Variants in LAMB1 observed in about 807,000 individuals in gnomAD.
LAMB1 encodes the protein laminin subunit beta-1.
LAMB1 carries 121 observed loss-of-function variants against 222.3 expected under a neutral mutation model. That is an observed-to-expected ratio of 0.54 (90% CI 0.47 to 0.63). The LOEUF is 0.63. Ranked by LOEUF, LAMB1 falls within the 30% of genes least tolerant of loss-of-function variation. LAMB1 has a pLI of 0.00. For synonymous variants in LAMB1, 794 were observed against 807.2 expected, an observed-to-expected ratio of 0.98 and a Z score of 0.28; for missense variants, 2,172 against 2,240.8, an observed-to-expected ratio of 0.97 and a Z score of 0.62.
At position 108,001,634 on chromosome 7, in the gene LAMB1, C is replaced by T. The variant is rs757389765; in HGVS notation, c.137G>A (p.Arg46Gln). The T allele has an allele frequency of 2.5e-6, 4 of 1,613,072 alleles. No homozygotes were observed. Among genetic ancestry groups the T allele is most frequent in the African/African-American group, 1.3e-5 (1 of 74,926 alleles). The change falls in exon 3 of 34, where the codon CGA (arginine) becomes CAA (glutamine). Residue 46 changes from arginine to glutamine, a missense_variant. Arg to Gln is a conservative substitution (Grantham distance 43). Coordinates refer to ENST00000222399, the MANE Select transcript of LAMB1 (RefSeq NM_002291.3). ...YPATGDLLIGRAQKLSVTSTC... is the reference protein window; with the variant it reads ...YPATGDLLIGQAQKLSVTSTC... ...CGAGGTCACCGAAAGCTTCTGTGCT[C>T]GGCCGATGAGAAGGTCGCCCGTGGC... is the stretch of plus-strand genomic sequence containing the variant.
At chr7:107,992,304 C>T (rs1282193951) in intron 5 of LAMB1, among the ~76,000 whole-genome samples, 1 of 152,218 alleles carries the variant, frequency 6.6e-6, no homozygotes, top group Non-Finnish European at 1.5e-5. Context: ...GTCTGAACTT[C>T]TGTTGTAGTC....
At chr7:107,965,503 C>T (rs542032514) in intron 13 of LAMB1, among the ~76,000 whole-genome samples, 7 of 152,234 alleles carry the variant, frequency 4.6e-5, no homozygotes, top group South Asian at 4.1e-4. Context: ...CGCTTGAACC[C>T]GGGAGGCAGA....
intron 20 of LAMB1, among the ~76,000 whole-genome samples, chr7:107,957,543 C>T (rs551067714): frequency 4.6e-5 from 7 of 152,244 alleles, no homozygotes; most frequent in East Asian, 3.9e-4. Context: ...AGCAAAACTC[C>T]GTCTCAAAAA....
At chr7:107,933,594 G>A (rs2032763248) in intron 27 of LAMB1, among the ~76,000 whole-genome samples, 1 of 149,008 alleles carries the variant, frequency 6.7e-6, no homozygotes, top group Non-Finnish European at 1.5e-5. Flanking sequence ...AACAGATGGG[G>A]CAGACATGGA....
At chr7:107,936,661 A>T (rs530478736) in intron 26 of LAMB1, among the ~76,000 whole-genome samples, 5 of 152,274 alleles carry the variant, frequency 3.3e-5, no homozygotes, top group Admixed American at 2.6e-4. Context: ...TTTGCTGAGG[A>T]TCCTTTACAG....
intron 7 of LAMB1, among the ~76,000 whole-genome samples, chr7:107,985,213 T>A (rs2034050532): frequency 6.6e-6 from 1 of 152,232 alleles, no homozygotes; most frequent in Non-Finnish European, 1.5e-5. Context: ...TTATTGCTAA[T>A]TTCAAGACCC....
chr7:107,975,209 C>T, intron 11 of LAMB1, 25 bp downstream of exon 11: 1 of 1,599,470 alleles, frequency 6.3e-7, no homozygotes. Context: ...AGAAAACTCC[C>T]AAACTTTTTA....
At chr7:107,943,697 G>A (rs977969995) in intron 24 of LAMB1, among the ~76,000 whole-genome samples, 5 of 152,070 alleles carry the variant, frequency 3.3e-5, no homozygotes, top group East Asian at 1.9e-4. Flanking sequence ...TTTCTATCAC[G>A]TTCCCAGGAG....
intron 9 of LAMB1, among the ~76,000 whole-genome samples, chr7:107,976,591 C>A (rs1487524767): frequency 2.0e-5 from 3 of 152,292 alleles, no homozygotes; most frequent in Middle Eastern, 3.4e-3. Flanking sequence ...AGCCTCCCAC[C>A]TTGCCTGTCT....
At chr7:107,963,755 A>G (rs2033563186) in intron 14 of LAMB1, among the ~76,000 whole-genome samples, 1 of 152,254 alleles carries the variant, frequency 6.6e-6, no homozygotes, top group Non-Finnish European at 1.5e-5. Flanking sequence ...CCAAGCTTTC[A>G]GAGAGCTGGC....
At chr7:107,938,496 G>GTA (rs2032902454) in intron 25 of LAMB1, among the ~76,000 whole-genome samples, 1 of 151,940 alleles carries the variant, frequency 6.6e-6, no homozygotes, top group South Asian at 2.1e-4. Flanking sequence ...TCCTTGGATA[G>GTA]TATGTTGAAA....
chr7:107,993,187 G>A (rs2034218150), intron 5 of LAMB1, among the ~76,000 whole-genome samples: 1 of 152,202 alleles, frequency 6.6e-6, no homozygotes, highest in Admixed American at 6.5e-5. Flanking sequence ...AGGCTGGAGT[G>A]CAGTGGCATG....
chr7:107,989,844 C>A (rs982189110), intron 5 of LAMB1, among the ~76,000 whole-genome samples: 7 of 152,126 alleles, frequency 4.6e-5, no homozygotes, highest in Admixed American at 6.5e-5. Flanking sequence ...CCCAAAGGAC[C>A]ATTGACGAGT....
intron 32 of LAMB1, among the ~76,000 whole-genome samples, chr7:107,925,013 T>C (rs1225783963): frequency 6.6e-6 from 1 of 152,172 alleles, no homozygotes; most frequent in Non-Finnish European, 1.5e-5. Flanking sequence ...CAAAATGCCC[T>C]GAAGCAGAGT....
At chr7:107,996,451 T>C (rs2034282967) in intron 4 of LAMB1, among the ~76,000 whole-genome samples, 1 of 152,236 alleles carries the variant, frequency 6.6e-6, no homozygotes, top group African/African-American at 2.4e-5. Context: ...ACTGATAATT[T>C]AGCCCCGCCA....
At chr7:107,976,253 G>A (rs1562999637) in intron 9 of LAMB1, among the ~76,000 whole-genome samples, 2 of 152,162 alleles carry the variant, frequency 1.3e-5, no homozygotes, top group African/African-American at 4.8e-5. Flanking sequence ...ACACTGTAGC[G>A]AGGGACCTTC....
intron 12 of LAMB1, among the ~76,000 whole-genome samples, chr7:107,974,550 T>C (rs1182263443): frequency 6.6e-6 from 1 of 152,254 alleles, no homozygotes; most frequent in Admixed American, 6.5e-5. Flanking sequence ...TCCAATTTTC[T>C]GATTATTTCA....
chr7:107,951,736 C>T (rs1307550865), intron 23 of LAMB1, among the ~76,000 whole-genome samples: 3 of 152,090 alleles, frequency 2.0e-5, no homozygotes, highest in Non-Finnish European at 1.5e-5. Flanking sequence ...GCTTCAGCGC[C>T]CAGGTACTGA....
At chr7:107,967,108 A>G (rs141377553) in intron 13 of LAMB1, among the ~76,000 whole-genome samples, 1 of 152,270 alleles carries the variant, frequency 6.6e-6, no homozygotes, top group East Asian at 1.9e-4. Context: ...GTCATCTCTA[A>G]TTCATCTTGT....
Sources: gnomAD v4.1 joint callset for allele counts (sites outside exome capture counted in the v4.1 genomes callset) on GRCh38, gnomAD v4.1.1 for gene constraint, MANE v1.5 for transcripts, NCBI Gene and HGNC (gene_info 2026-07-23, HGNC 2026-07-21) for gene names.